DPP6: variants seen among roughly 807,000 people sequenced by gnomAD.
DPP6 encodes A-type potassium channel modulatory protein DPP6.
DPP6 carries 69 observed loss-of-function variants against 122.6 expected under a neutral mutation model. The ratio of observed to expected loss-of-function variants is 0.56; its 90% CI spans 0.46 to 0.69. The LOEUF is 0.69. DPP6 is among the 30% of genes least tolerant of loss of function. The pLI, the probability that DPP6 is intolerant of heterozygous loss-of-function variation, is 0.00. For missense variants in DPP6, 928 were observed against 1,116.9 expected, an observed-to-expected ratio of 0.83 and a Z score of 2.41; for synonymous variants, 418 against 433.1, an observed-to-expected ratio of 0.97 and a Z score of 0.43.
At chr7:154,404,358 TAAAAG>T (rs961999491) in intron 1 of DPP6, among the ~76,000 whole-genome samples, 3 of 152,110 alleles carry the variant, frequency 2.0e-5, no homozygotes, top group African/African-American at 7.2e-5. Flanking sequence ...GAAGAAATCA[TAAAAG>T]AAAGATCCAT....
At chr7:154,076,366 C>G (rs1158342560) in intron 1 of DPP6, among the ~76,000 whole-genome samples, 1 of 151,926 alleles carries the variant, frequency 6.6e-6, no homozygotes, top group African/African-American at 2.4e-5. Flanking sequence ...AGGAGAATCT[C>G]TTGAACCTGG....
At chr7:154,056,744 T>C (rs762647513) in intron 1 of DPP6, among the ~76,000 whole-genome samples, 2 of 152,220 alleles carry the variant, frequency 1.3e-5, no homozygotes, top group Non-Finnish European at 2.9e-5. Context: ...CCCATTTTTT[T>C]CCTCCACCTT....
intron 5 of DPP6, among the ~76,000 whole-genome samples, chr7:154,621,076 A>G (rs1834616395): frequency 6.6e-6 from 1 of 152,288 alleles, no homozygotes; most frequent in African/African-American, 2.4e-5. Flanking sequence ...TACTACCCCT[A>G]TGTTTTCAAG....
At chr7:154,705,316 G>A (rs1037128439) in intron 7 of DPP6, among the ~76,000 whole-genome samples, 4 of 152,182 alleles carry the variant, frequency 2.6e-5, no homozygotes, top group African/African-American at 9.7e-5. Flanking sequence ...GCATCCTGGG[G>A]CATGTCTCTG....
chr7:153,859,402 C>T, the DPP6 span, among the ~76,000 whole-genome samples: 2 of 152,190 alleles, frequency 1.3e-5, no homozygotes, highest in African/African-American at 2.4e-5. Flanking sequence ...TATCACATGC[C>T]AATGACGGTG....
intron 1 of DPP6, among the ~76,000 whole-genome samples, chr7:153,957,418 C>T (rs1802510966): frequency 6.6e-6 from 1 of 152,172 alleles, no homozygotes. Flanking sequence ...GTGAAATGAG[C>T]CTTCTCCGGC....
At chr7:153,756,947 GT>G in the DPP6 span, among the ~76,000 whole-genome samples, 18 of 152,066 alleles carry the variant, frequency 1.2e-4, no homozygotes, top group Non-Finnish European at 2.6e-4. Context: ...AGTAGTAACT[GT>G]TTTTTCTGGT....
At chr7:153,960,476 C>G (rs559701476) in intron 1 of DPP6, among the ~76,000 whole-genome samples, 10 of 151,976 alleles carry the variant, frequency 6.6e-5, no homozygotes, top group African/African-American at 1.9e-4. Context: ...CACCTTCCTG[C>G]AAAAGATTAG....
chr7:153,947,787 A>T (rs1366204275), intron 1 of DPP6, among the ~76,000 whole-genome samples: 1 of 152,132 alleles, frequency 6.6e-6, no homozygotes, highest in Non-Finnish European at 1.5e-5. Flanking sequence ...GGAGATGGGG[A>T]TGCTGTCTCC....
At chr7:154,235,252 C>T (rs1233330295) in intron 1 of DPP6, among the ~76,000 whole-genome samples, 2 of 152,214 alleles carry the variant, frequency 1.3e-5, no homozygotes, top group Non-Finnish European at 2.9e-5. Flanking sequence ...CTGGTCAGCT[C>T]ATCCACATGG....
intron 1 of DPP6, among the ~76,000 whole-genome samples, chr7:154,063,836 A>G (rs10240633): frequency 0.29 from 42,598 of 149,404 alleles, 6,255 homozygotes; most frequent in East Asian, 0.42. Context: ...TCCGACGGCA[A>G]GTGCATGATA....
intron 17 of DPP6, chr7:154,865,500 A>G (rs1306432187): frequency 6.6e-6 from 1 of 152,232 alleles, no homozygotes; most frequent in Non-Finnish European, 1.5e-5. Flanking sequence ...ACTTAGGTGC[A>G]TCATTAGTCT....
Position 154,029,376 on chromosome 7 carries a change from G to A in DPP6, c.51+141642G>A, listed in dbSNP as rs1041883072. Among the ~76,000 whole-genome samples the A allele has an allele frequency of 1.7e-4, 26 of 151,484 alleles. 1 individual carries two copies. Among genetic ancestry groups the A allele is most frequent in the Non-Finnish European group, 2.9e-4 (20 of 67,914 alleles). On this transcript the variant is annotated intron_variant, in intron 1 of 25. Transcript: ENST00000404039. Reference sequence around the variant, plus strand: ...CTAAAAATACAAAAAAAATAGCTGGGCGCGGTGGCGGGCGCCTGTAGTCCC... The same window carrying A: ...CTAAAAATACAAAAAAAATAGCTGGACGCGGTGGCGGGCGCCTGTAGTCCC...
chr7:154,031,029 A>G (rs1464955222), intron 1 of DPP6, among the ~76,000 whole-genome samples: 3 of 152,052 alleles, frequency 2.0e-5, no homozygotes, highest in Non-Finnish European at 4.4e-5. Flanking sequence ...CCAAGAGCTC[A>G]CATGCCCAAG....
At chr7:154,780,891 T>C (rs1029531985) in intron 10 of DPP6, among the ~76,000 whole-genome samples, 1 of 152,004 alleles carries the variant, frequency 6.6e-6, no homozygotes, top group Non-Finnish European at 1.5e-5. Context: ...GGATTATGAA[T>C]AGATAAATGC....
chr7:154,249,187 A>G (rs752711706), intron 1 of DPP6, among the ~76,000 whole-genome samples: 1 of 152,236 alleles, frequency 6.6e-6, no homozygotes, highest in Non-Finnish European at 1.5e-5. Context: ...AACTAATGGG[A>G]GTAAAGGGTA....
intron 1 of DPP6, among the ~76,000 whole-genome samples, chr7:154,354,232 GCT>G (rs1811099106): frequency 6.6e-6 from 1 of 152,082 alleles, no homozygotes; most frequent in Non-Finnish European, 1.5e-5. Context: ...GTCTCAACTT[GCT>G]CTCTTTCTAT....
intron 16 of DPP6, among the ~76,000 whole-genome samples, chr7:154,841,418 C>T (rs1198805508): frequency 7.9e-5 from 12 of 151,724 alleles, no homozygotes; most frequent in African/African-American, 2.2e-4. Context: ...TTCCTTCTTT[C>T]ATACTTGGAA....
chr7:154,085,448 A>G (rs1228293181), intron 1 of DPP6, among the ~76,000 whole-genome samples: 1 of 152,232 alleles, frequency 6.6e-6, no homozygotes, highest in Non-Finnish European at 1.5e-5. Context: ...GACAGTAAGC[A>G]TTTTATACCT....
Sources: allele counts gnomAD v4.1 joint callset (sites outside exome capture counted in the v4.1 genomes callset), GRCh38; gene constraint gnomAD v4.1.1; transcripts MANE v1.5; gene names NCBI Gene and HGNC (gene_info 2026-07-23, HGNC 2026-07-21).